The following JAKMIP1 variants were observed in gnomAD, a reference collection of about 807,000 sequenced individuals.
JAKMIP1 encodes janus kinase and microtubule interacting protein 1, also known as janus kinase and microtubule-interacting protein 1.
In JAKMIP1, 33 loss-of-function variants were observed where a neutral mutation model predicts 113.0. The ratio of observed to expected loss-of-function variants is 0.29; its 90% CI spans 0.22 to 0.39. The LOEUF (loss-of-function observed/expected upper bound fraction) is 0.39. JAKMIP1 is among the 10% of genes least tolerant of loss of function. JAKMIP1 has a pLI of 1.00. For synonymous variants in JAKMIP1, 480 were observed against 459.9 expected, an observed-to-expected ratio of 1.04 and a Z score of -0.56; for missense variants, 813 against 1,080.5, an observed-to-expected ratio of 0.75 and a Z score of 3.47.
At chr4:6,054,007 T>G in intron 13 of JAKMIP1, 43 bp downstream of exon 13, 1 of 1,614,176 alleles carries the variant, frequency 6.2e-7, no homozygotes, top group Non-Finnish European at 8.5e-7. Flanking sequence ...TCAAAGAGAA[T>G]GTCTGCTCCG....
Position 6,139,104 on chromosome 4 carries a change from A to C in JAKMIP1, c.-147-26107T>G, listed in dbSNP as rs5023018. On this transcript the variant is annotated intron_variant, in intron 1 of 20. Coordinates refer to ENST00000409021, the MANE Select transcript of JAKMIP1 (RefSeq NM_001099433.2). The surrounding 1 kb of genome is among the most constrained non-coding windows in gnomAD (Gnocchi z 5.2). Reference sequence around the variant, plus strand: ...CACACATATACACACACACACACACACCAGCAGGTCAGCCCTGCTCTCCTC... The same window carrying C: ...CACACATATACACACACACACACACCCCAGCAGGTCAGCCCTGCTCTCCTC... 1.8e-3 allele frequency among the ~76,000 whole-genome samples: 266 copies of C among 150,700 alleles called. No homozygotes were observed. The highest frequency in any genetic ancestry group is 3.5e-3 in the East Asian group (18 of 5,100).
intron 1 of JAKMIP1, among the ~76,000 whole-genome samples, chr4:6,163,825 G>A (rs1365572896): frequency 6.6e-6 from 1 of 152,206 alleles, no homozygotes; most frequent in African/African-American, 2.4e-5. Flanking sequence ...CAGGGTAGAA[G>A]ATCAAACCAG....
chr4:6,152,324 T>TA (rs1231956274), intron 1 of JAKMIP1, among the ~76,000 whole-genome samples: 4 of 152,256 alleles, frequency 2.6e-5, no homozygotes, highest in African/African-American at 7.2e-5. Context: ...ATCCAAGCCT[T>TA]CCTTTCTTCC....
At position 6,135,072 on chromosome 4, in the gene JAKMIP1, C is replaced by G. The variant is rs1421487578; in HGVS notation, c.-147-22075G>C. On this transcript the variant is annotated intron_variant, in intron 1 of 20. Transcript: ENST00000409021. This position sits in a 1 kb window ranked among gnomAD's most constrained non-coding sequence, Gnocchi z 4.9. ...CTGGTCTGGTATCGTTGGGGCAGAG[C>G]TGCTCAGTCTCCATGGGGGCCACTC... 1.3e-5 allele frequency among the ~76,000 whole-genome samples: 2 copies of G among 152,112 alleles called. No homozygotes were observed.
Position 6,187,252 on chromosome 4 carries a change from C to T in JAKMIP1, c.-148+13001G>A, listed in dbSNP as rs1726751342. 1.3e-5 allele frequency among the ~76,000 whole-genome samples: 2 copies of T among 152,166 alleles called. No individual in the cohort carries two copies. The highest frequency in any genetic ancestry group is 2.9e-5 in the Non-Finnish European group (2 of 68,030). On this transcript the variant is annotated intron_variant, in intron 1 of 20. Coordinates refer to ENST00000409021, the MANE Select transcript of JAKMIP1 (RefSeq NM_001099433.2). The surrounding 1 kb of genome is among the most constrained non-coding windows in gnomAD (Gnocchi z 4.2). ...GTCATTATAAAATGTTACTTTTTATCTCTAGTAACTTTTTTTGTTTTAAAC... is the reference window on the plus strand; with the variant it reads ...GTCATTATAAAATGTTACTTTTTATTTCTAGTAACTTTTTTTGTTTTAAAC...
rs1484282876 is a variant in JAKMIP1, at chr4:6,154,758, T to A, written c.-147-41761A>T. On this transcript the variant is annotated intron_variant, in intron 1 of 20. Coordinates refer to ENST00000409021, the MANE Select transcript of JAKMIP1 (RefSeq NM_001099433.2). The surrounding 1 kb of genome is among the most constrained non-coding windows in gnomAD (Gnocchi z 4.2). ...CCTAACTCCCCACCCCCAGCCATCA[T>A]GAACTACAGACAGCACCCTAAACAT... Among the ~76,000 whole-genome samples, 5 of 152,132 alleles carry A rather than the reference T, an allele frequency of 3.3e-5. No individual in the cohort carries two copies. The highest frequency in any genetic ancestry group is 7.4e-5 in the Non-Finnish European group (5 of 68,014).
intron 7 of JAKMIP1, among the ~76,000 whole-genome samples, chr4:6,079,421 G>A (rs1199887810): frequency 6.6e-6 from 1 of 152,066 alleles, no homozygotes; most frequent in African/African-American, 2.4e-5. Flanking sequence ...GGGAGATGGA[G>A]GCAGGCAAAA....
Position 6,067,066 on chromosome 4 carries a change from C to T in JAKMIP1, c.1303-2058G>A, listed in dbSNP as rs898359157. On this transcript the variant is annotated intron_variant, in intron 8 of 20. Coordinates refer to ENST00000409021, the MANE Select transcript of JAKMIP1 (RefSeq NM_001099433.2). The surrounding 1 kb of genome is among the most constrained non-coding windows in gnomAD (Gnocchi z 4.6). ...GCCCAGGTCCCTCCTGCTTCACCCCCGCCCCAGCCTCTGGGGCCTCCTTCT... is the reference window on the plus strand; with the variant it reads ...GCCCAGGTCCCTCCTGCTTCACCCCTGCCCCAGCCTCTGGGGCCTCCTTCT... Among the ~76,000 whole-genome samples the T allele has an allele frequency of 1.1e-4, 17 of 152,152 alleles. No individual in the cohort carries two copies. The highest frequency in any genetic ancestry group is 3.1e-4 in the African/African-American group (13 of 41,428).
chr4:6,069,585 C>T lies in JAKMIP1; in HGVS notation c.1303-4577G>A, dbSNP rs533812646. Reference sequence around the variant, plus strand: ...GCCACATAGTGAGAATCCATCTCTACAAAAAGTTATTTAAAAAGTTAGCCG... The same window carrying T: ...GCCACATAGTGAGAATCCATCTCTATAAAAAGTTATTTAAAAAGTTAGCCG... On this transcript the variant is annotated intron_variant, in intron 8 of 20. Coordinates refer to ENST00000409021, the MANE Select transcript of JAKMIP1 (RefSeq NM_001099433.2). The surrounding 1 kb of genome is among the most constrained non-coding windows in gnomAD (Gnocchi z 4.5). Among the ~76,000 whole-genome samples, 10 of 152,052 alleles carry T rather than the reference C, an allele frequency of 6.6e-5. No individual in the cohort carries two copies. Among genetic ancestry groups the T allele is most frequent in the African/African-American group, 2.4e-4 (10 of 41,456 alleles).
intron 16 of JAKMIP1, among the ~76,000 whole-genome samples, chr4:6,048,108 A>G (rs1039090606): frequency 1.3e-5 from 2 of 152,268 alleles, no homozygotes; most frequent in Non-Finnish European, 2.9e-5. Flanking sequence ...CAGTATCACT[A>G]GCACTGAAAT....
chr4:6,085,160 G>A (rs920917456), intron 4 of JAKMIP1, among the ~76,000 whole-genome samples, 195 bp from the exon 5 acceptor site: 2 of 152,038 alleles, frequency 1.3e-5, no homozygotes, highest in Admixed American at 1.3e-4. Context: ...GACGGCCACT[G>A]AGACTTCAAA....
rs1305305869 is a variant in JAKMIP1 at position 6,067,600 on chromosome 4, CACA to C, written c.1303-2595_1303-2593del. Reference sequence around the variant, plus strand: ...TGCAGCACTCAAGCTCTTCTGCACACACAGGTCACCCCCCTGAGCTCCAGGTTC... The same window carrying C: ...TGCAGCACTCAAGCTCTTCTGCACACGGTCACCCCCCTGAGCTCCAGGTTC... On this transcript the variant is annotated intron_variant, in intron 8 of 20. Transcript: ENST00000409021. The surrounding 1 kb of genome is among the most constrained non-coding windows in gnomAD (Gnocchi z 4.6). Among the ~76,000 whole-genome samples the C allele has an allele frequency of 6.6e-6, 1 of 151,422 alleles. No individual in the cohort carries two copies. Among genetic ancestry groups the C allele is most frequent in the Non-Finnish European group, 1.5e-5 (1 of 67,790 alleles).
At chr4:6,169,994 C>CCACCACCACCACCCT (rs1724182387) in intron 1 of JAKMIP1, among the ~76,000 whole-genome samples, 1 of 94,410 alleles carries the variant, frequency 1.1e-5, no homozygotes, top group African/African-American at 4.2e-5. Context: ...ACCACCACCA[C>CCACCACCACCACCCT]CACCACCACC....
At chr4:6,130,822 T>C (rs1315870381) in intron 1 of JAKMIP1, among the ~76,000 whole-genome samples, 1 of 151,984 alleles carries the variant, frequency 6.6e-6, no homozygotes, top group East Asian at 1.9e-4. Context: ...CAATAGAATA[T>C]TTCCTAACTG....
intron 18 of JAKMIP1, among the ~76,000 whole-genome samples, chr4:6,036,891 T>C (rs1487907399): frequency 6.8e-6 from 1 of 146,696 alleles, no homozygotes; most frequent in Non-Finnish European, 1.5e-5. Context: ...AATAGAAACA[T>C]GGTACTGAGG....
At chr4:6,100,057 T>C (rs766750345) in intron 3 of JAKMIP1, among the ~76,000 whole-genome samples, 7 of 152,226 alleles carry the variant, frequency 4.6e-5, no homozygotes, top group Admixed American at 1.3e-4. Flanking sequence ...AGATCCACCA[T>C]TAAACTTTTA....
In JAKMIP1 at chr4:6,078,948, T is replaced by C. The variant is rs1464148300; in HGVS notation, c.1293A>G (p.Lys431=). The part of the protein sequence containing the change: ...RSKRHRGKSL[K]PPKKHVVETF... ...ACCATCGCAGGCTCACCTTGGGCGG[T>C]TTCAGACTTTTCCCTCGATGCCTTT... The change falls in exon 8 of 21, where the codon AAA becomes AAG. Residue 431 remains lysine (K), a synonymous_variant. Coordinates refer to ENST00000409021, the MANE Select transcript of JAKMIP1 (RefSeq NM_001099433.2). 8.7e-6 allele frequency: 14 copies of C among 1,614,106 alleles called. No homozygotes were observed. Among genetic ancestry groups the C allele is most frequent in the Non-Finnish European group, 1.2e-5 (14 of 1,180,010 alleles).
rs1560137791 is a variant in JAKMIP1 at position 6,069,332 on chromosome 4, C to T, written c.1303-4324G>A. On this transcript the variant is annotated intron_variant, in intron 8 of 20. Transcript: ENST00000409021. This position sits in a 1 kb window ranked among gnomAD's most constrained non-coding sequence, Gnocchi z 4.5. ...GATACATTAGGAGCAAAAATGTCCA[C>T]CATTTGCTCATTCTGAGCCCATCTA... is the stretch of plus-strand genomic sequence containing the variant. Among the ~76,000 whole-genome samples the T allele has an allele frequency of 2.0e-5, 3 of 152,342 alleles. No homozygotes were observed. Among genetic ancestry groups the T allele is most frequent in the Middle Eastern group, 6.8e-3 (2 of 294 alleles).
intron 2 of JAKMIP1, among the ~76,000 whole-genome samples, chr4:6,110,693 G>A (rs1578262596): frequency 6.8e-6 from 1 of 147,418 alleles, no homozygotes; most frequent in Middle Eastern, 3.4e-3. Context: ...AAACAACCCA[G>A]GAGGCAGACA....
Sources: gnomAD v4.1 joint callset for allele counts (sites outside exome capture counted in the v4.1 genomes callset) on GRCh38, gnomAD v4.1.1 for gene constraint, Gnocchi (gnomAD v3.1) non-coding constraint, MANE v1.5 for transcripts, NCBI Gene and HGNC (gene_info 2026-07-23, HGNC 2026-07-21) for gene names.